ENTREP2: variants seen among roughly 807,000 people sequenced by gnomAD.
ENTREP2 encodes the protein endosomal transmembrane epsin interactor 2, also known as protein ENTREP2.
the ENTREP2 span, among the ~76,000 whole-genome samples, chr15:29,497,832 T>C: frequency 1.3e-5 from 2 of 152,214 alleles, no homozygotes; most frequent in African/African-American, 4.8e-5. Flanking sequence ...TAGTTTGTTC[T>C]TCTTTTTCTA....
the ENTREP2 span, among the ~76,000 whole-genome samples, chr15:29,606,819 C>G: frequency 6.6e-6 from 1 of 151,342 alleles, no homozygotes; most frequent in South Asian, 2.1e-4. Flanking sequence ...GTGCATTGAA[C>G]CTTTTCTTTC....
the ENTREP2 span, among the ~76,000 whole-genome samples, chr15:29,132,835 C>T: frequency 1.3e-5 from 2 of 152,142 alleles, no homozygotes; most frequent in African/African-American, 4.8e-5. Context: ...GACAGGGGTT[C>T]CTGTCGTCAG....
At chr15:29,157,738 T>C in the ENTREP2 span, among the ~76,000 whole-genome samples, 1 of 151,982 alleles carries the variant, frequency 6.6e-6, no homozygotes, top group African/African-American at 2.4e-5. Context: ...CATCTTTTTT[T>C]TTTTTTTTTG....
At chr15:29,520,933 G>A in the ENTREP2 span, among the ~76,000 whole-genome samples, 1 of 152,142 alleles carries the variant, frequency 6.6e-6, no homozygotes, top group Admixed American at 6.5e-5. Context: ...TAATTGGGAA[G>A]ATATAATGTA....
chr15:29,380,066 G>A, the ENTREP2 span, among the ~76,000 whole-genome samples: 1 of 151,972 alleles, frequency 6.6e-6, no homozygotes. Flanking sequence ...AGGGGCTGGG[G>A]GGAGGTGGGG....
At chr15:29,247,014 C>CACACACAT in the ENTREP2 span, among the ~76,000 whole-genome samples, 1 of 150,140 alleles carries the variant, frequency 6.7e-6, no homozygotes, top group African/African-American at 2.5e-5. Flanking sequence ...CACACACACA[C>CACACACAT]GCAAAACCCT....
At chr15:29,628,454 T>C in the ENTREP2 span, among the ~76,000 whole-genome samples, 1 of 152,232 alleles carries the variant, frequency 6.6e-6, no homozygotes, top group Non-Finnish European at 1.5e-5. Flanking sequence ...CTATCTTAAA[T>C]GTTCCACGGT....
chr15:29,479,646 CT>C, the ENTREP2 span, among the ~76,000 whole-genome samples: 3 of 147,948 alleles, frequency 2.0e-5, no homozygotes, highest in African/African-American at 7.7e-5. Context: ...CCCTCTCTCT[CT>C]GTCTGTCTCA....
the ENTREP2 span, among the ~76,000 whole-genome samples, chr15:29,188,513 G>A: frequency 3.9e-5 from 6 of 152,202 alleles, no homozygotes; most frequent in African/African-American, 1.2e-4. Flanking sequence ...TATGGTGTTG[G>A]GTTTTCTGTT....
chr15:29,539,543 C>T, the ENTREP2 span, among the ~76,000 whole-genome samples: 23 of 152,220 alleles, frequency 1.5e-4, no homozygotes, highest in African/African-American at 5.5e-4. Flanking sequence ...CCTGGCTGTA[C>T]TTTCACTAGC....
chr15:29,490,317 G>A, the ENTREP2 span, among the ~76,000 whole-genome samples: 2 of 152,152 alleles, frequency 1.3e-5, no homozygotes, highest in African/African-American at 2.4e-5. Context: ...AGCTCTTGAA[G>A]GTAATACAGA....
the ENTREP2 span, among the ~76,000 whole-genome samples, chr15:29,118,507 G>T: frequency 1.3e-5 from 2 of 152,220 alleles, no homozygotes; most frequent in Non-Finnish European, 2.9e-5. Context: ...CCAGGTGTCA[G>T]CTGGGCAACG....
the ENTREP2 span, among the ~76,000 whole-genome samples, chr15:29,517,389 G>A: frequency 2.0e-5 from 3 of 152,190 alleles, no homozygotes; most frequent in Non-Finnish European, 4.4e-5. Context: ...ATTAGCCTGA[G>A]GTCAAGTGGC....
chr15:29,253,407 T>G, the ENTREP2 span, among the ~76,000 whole-genome samples: 1 of 152,012 alleles, frequency 6.6e-6, no homozygotes, highest in African/African-American at 2.4e-5. Context: ...AATACAGAGG[T>G]TTGGCCAAAT....
the ENTREP2 span, among the ~76,000 whole-genome samples, chr15:29,653,802 T>A: frequency 6.6e-6 from 1 of 151,364 alleles, no homozygotes; most frequent in Non-Finnish European, 1.5e-5. Context: ...TCATGTTTTT[T>A]ATTCTTGTCC....
At chr15:29,642,854 C>T in the ENTREP2 span, among the ~76,000 whole-genome samples, 1 of 152,042 alleles carries the variant, frequency 6.6e-6, no homozygotes, top group South Asian at 2.1e-4. Context: ...CCTTGTGATC[C>T]ACCCGCCTTG....
At chr15:29,312,536 A>G in the ENTREP2 span, among the ~76,000 whole-genome samples, 1 of 152,154 alleles carries the variant, frequency 6.6e-6, no homozygotes, top group Non-Finnish European at 1.5e-5. Context: ...TCTCTGAGTC[A>G]TATTTTGGTA....
the ENTREP2 span, among the ~76,000 whole-genome samples, chr15:29,350,403 G>A: frequency 6.6e-6 from 1 of 152,080 alleles, no homozygotes; most frequent in African/African-American, 2.4e-5. Context: ...ACAGGTGTAT[G>A]TACTTATAAC....
At chr15:29,551,613 G>T in the ENTREP2 span, among the ~76,000 whole-genome samples, 4 of 151,396 alleles carry the variant, frequency 2.6e-5, no homozygotes, top group Non-Finnish European at 4.4e-5. Flanking sequence ...AAACTAAATG[G>T]TTCTTTTCTA....
Sources: gnomAD v4.1 joint callset for allele counts (sites outside exome capture counted in the v4.1 genomes callset) on GRCh38, gnomAD v4.1.1 for gene constraint, MANE v1.5 for transcripts, NCBI Gene and HGNC (gene_info 2026-07-23, HGNC 2026-07-21) for gene names.